Variants in GAREM1 observed in about 807,000 individuals in gnomAD.
The protein encoded by GAREM1 is GRB2-associated and regulator of MAPK protein 1.
Under a neutral mutation model 71.3 loss-of-function variants are expected in GAREM1, and 26 were observed. That is an observed-to-expected ratio of 0.36 (90% confidence interval 0.27 to 0.51). The LOEUF (loss-of-function observed/expected upper bound fraction) is 0.51, where lower values mean the gene tolerates loss of function less well. GAREM1 is among the 20% of genes least tolerant of loss of function. The pLI is 0.95. For synonymous variants in GAREM1, 440 were observed against 433.2 expected (o/e 1.02, Z -0.20); for missense variants, 1,026 against 1,103.1 (o/e 0.93, Z 0.99).
intron 2 of GAREM1, among the ~76,000 whole-genome samples, chr18:32,360,179 C>T (rs924748895): frequency 1.3e-5 from 2 of 151,722 alleles, no homozygotes; most frequent in African/African-American, 4.8e-5. Flanking sequence ...TTTATTTCTG[C>T]AATTTTTAGT....
At chr18:32,353,246 T>C (rs533173112) in intron 2 of GAREM1, among the ~76,000 whole-genome samples, 5 of 152,200 alleles carry the variant, frequency 3.3e-5, no homozygotes, top group Admixed American at 2.6e-4. Context: ...TTTCAACAAA[T>C]ATCTTTTGAG....
At chr18:32,460,563 T>C (rs2048946556) in intron 1 of GAREM1, among the ~76,000 whole-genome samples, 1 of 152,154 alleles carries the variant, frequency 6.6e-6, no homozygotes, top group Admixed American at 6.6e-5. Context: ...CCGCACAGCA[T>C]AAAAGGAAAC....
chr18:32,386,660 C>T (rs2048149579), intron 2 of GAREM1, among the ~76,000 whole-genome samples: 1 of 152,148 alleles, frequency 6.6e-6, no homozygotes, highest in Non-Finnish European at 1.5e-5. Flanking sequence ...AAGCTTGCCA[C>T]GGAATGCTAT....
At chr18:32,278,057 C>T in intron 4 of GAREM1, among the ~76,000 whole-genome samples, 1 of 152,190 alleles carries the variant, frequency 6.6e-6, no homozygotes, top group South Asian at 2.1e-4. Context: ...TTTTTCACAA[C>T]TTCTGACTCC....
At chr18:32,380,491 A>AAAAAAAAAAC (rs2048085049) in intron 2 of GAREM1, among the ~76,000 whole-genome samples, 1 of 151,244 alleles carries the variant, frequency 6.6e-6, no homozygotes, top group South Asian at 2.1e-4. Context: ...AAAAAAAAAA[A>AAAAAAAAAAC]AAAAAAAGCA....
At chr18:32,356,166 C>T (rs2047802750) in intron 2 of GAREM1, among the ~76,000 whole-genome samples, 1 of 151,938 alleles carries the variant, frequency 6.6e-6, no homozygotes, top group Admixed American at 6.5e-5. Flanking sequence ...CATTTTTTTC[C>T]CATTTCTAAA....
intron 1 of GAREM1, among the ~76,000 whole-genome samples, chr18:32,444,673 G>A (rs2048770009): frequency 6.6e-6 from 1 of 152,088 alleles, no homozygotes; most frequent in South Asian, 2.1e-4. Flanking sequence ...CCGTCCCTGG[G>A]AACCCCAAAC....
At chr18:32,282,275 A>C (rs2046961914) in intron 4 of GAREM1, among the ~76,000 whole-genome samples, 1 of 152,110 alleles carries the variant, frequency 6.6e-6, no homozygotes, top group South Asian at 2.1e-4. Context: ...ATTTAAAAAA[A>C]CTTAGCCAGG....
intron 1 of GAREM1, among the ~76,000 whole-genome samples, chr18:32,421,985 T>C (rs1321246994): frequency 6.6e-6 from 1 of 152,106 alleles, no homozygotes; most frequent in Non-Finnish European, 1.5e-5. Flanking sequence ...TCCTTTCTCC[T>C]ACTTTTTTTT....
At position 32,363,212 on chromosome 18, in the gene GAREM1, C is replaced by CA. The variant is rs543796545; in HGVS notation, c.262+29682dup. 4.4e-3 allele frequency among the ~76,000 whole-genome samples: 569 copies of CA among 128,872 alleles called. 4 individuals carry two copies. The highest frequency in any genetic ancestry group is 0.013 in the African/African-American group (460 of 36,616). The allele number at this position is 128,872 out of a possible 152,430, so 84.5% of individuals were successfully genotyped here. A position where few individuals can be genotyped will look rare whatever the true frequency, so the allele number is the denominator to read the frequency against. ...AAAAAAATATTTTTCTGTCTCAAGG[C>CA]AAAAAAAAAAAAATCTTACTTAAGA... On this transcript the variant is annotated intron_variant, in intron 2 of 5. Transcript: ENST00000269209.
At chr18:32,384,599 T>C (rs2048127867) in intron 2 of GAREM1, among the ~76,000 whole-genome samples, 1 of 152,238 alleles carries the variant, frequency 6.6e-6, no homozygotes, top group South Asian at 2.1e-4. Flanking sequence ...GAGCATTTTA[T>C]AATCACATTT....
At chr18:32,343,370 A>G (rs1282504078) in intron 2 of GAREM1, among the ~76,000 whole-genome samples, 2 of 138,510 alleles carry the variant, frequency 1.4e-5, no homozygotes, top group African/African-American at 5.6e-5. Flanking sequence ...GTTGGGGTGC[A>G]GTGGCGCGAT....
chr18:32,409,897 G>A (rs917384120), intron 1 of GAREM1, among the ~76,000 whole-genome samples: 1 of 152,146 alleles, frequency 6.6e-6, no homozygotes, highest in Admixed American at 6.5e-5. Flanking sequence ...TTTCAGGCAG[G>A]CAGGTGAGAG....
intron 2 of GAREM1, among the ~76,000 whole-genome samples, chr18:32,346,368 G>A (rs748190440): frequency 5.9e-5 from 9 of 152,054 alleles, no homozygotes; most frequent in Admixed American, 2.0e-4. Flanking sequence ...TAAAATTATT[G>A]ACCAATATAA....
rs2049046422 is a variant in GAREM1, at chr18:32,470,699, GGCGGCGGCGGCCCGGGTGGCT to G, written c.-292_-272del. 6.7e-6 allele frequency among the ~76,000 whole-genome samples: 1 copy of G among 149,684 alleles called. No homozygotes were observed. The highest frequency in any genetic ancestry group is 2.1e-4 in the South Asian group (1 of 4,814). ...TCAGAGCAGCCGCGCGGCTGCGGGCGGCGGCGGCGGCCCGGGTGGCTGCGGCGGCTCCCGCTCCGCCTCCTC... is the reference window on the plus strand; with the variant it reads ...TCAGAGCAGCCGCGCGGCTGCGGGCGGCGGCGGCTCCCGCTCCGCCTCCTC... On this transcript the variant is annotated 5_prime_UTR_variant, in exon 1 of 6. Transcript: ENST00000269209. The surrounding 1 kb of genome is among the most constrained non-coding windows in gnomAD (Gnocchi z 4.4).
At chr18:32,384,506 G>A (rs1013835171) in intron 2 of GAREM1, among the ~76,000 whole-genome samples, 12 of 152,126 alleles carry the variant, frequency 7.9e-5, no homozygotes, top group Non-Finnish European at 2.9e-5. Context: ...GAAAATTCGG[G>A]TAATGAACAC....
chr18:32,424,863 G>T (rs1439920068), intron 1 of GAREM1, among the ~76,000 whole-genome samples: 1 of 152,064 alleles, frequency 6.6e-6, no homozygotes, highest in Non-Finnish European at 1.5e-5. Flanking sequence ...ACTATTCTCA[G>T]TAAATGAAAC....
At chr18:32,389,818 A>G (rs527588246) in intron 2 of GAREM1, among the ~76,000 whole-genome samples, 1 of 152,266 alleles carries the variant, frequency 6.6e-6, no homozygotes, top group Admixed American at 6.5e-5. Flanking sequence ...TATATACACT[A>G]TAACCTTGAA....
intron 1 of GAREM1, among the ~76,000 whole-genome samples, chr18:32,461,607 A>G (rs1202283025): frequency 6.6e-6 from 1 of 152,138 alleles, no homozygotes; most frequent in East Asian, 1.9e-4. Flanking sequence ...AGGTGGCAGG[A>G]TCACTTGAGC....
Sources: gnomAD v4.1 joint callset for allele counts (sites outside exome capture counted in the v4.1 genomes callset) on GRCh38, gnomAD v4.1.1 for gene constraint, Gnocchi (gnomAD v3.1) non-coding constraint, MANE v1.5 for transcripts, NCBI Gene and HGNC (gene_info 2026-07-23, HGNC 2026-07-21) for gene names.